PCLO: variants seen among roughly 807,000 people sequenced by gnomAD.
The protein encoded by PCLO is piccolo presynaptic cytomatrix protein, also known as protein piccolo.
PCLO carries 82 observed loss-of-function variants against 427.5 expected under a neutral mutation model. That is an observed-to-expected ratio of 0.19 (90% CI 0.16 to 0.23). PCLO has a LOEUF of 0.23. PCLO is among the 10% of genes least tolerant of loss of function. The probability of loss-of-function intolerance (pLI) is 1.00; values close to 1 mark genes in which losing one functional copy is unlikely to be tolerated. For synonymous variants in PCLO, 2,357 were observed against 2,155.4 expected, an observed-to-expected ratio of 1.09 and a Z score of -2.59; for missense variants, 6,239 against 6,115.9, an observed-to-expected ratio of 1.02 and a Z score of -0.67.
At chr7:83,085,494 C>T (rs1790208817) in intron 3 of PCLO, among the ~76,000 whole-genome samples, 1 of 152,152 alleles carries the variant, frequency 6.6e-6, no homozygotes, top group African/African-American at 2.4e-5. Context: ...CACACTCTTA[C>T]CACATGCCTC....
rs139867989 is a variant in PCLO, at chr7:83,049,832, T to C, written c.3301-83345A>G. ...TATCACCTTGGTGGGGAGTGAGTGGTTGGAAGCAAAATGGAGTTAGTCATG... is the reference window on the plus strand; with the variant it reads ...TATCACCTTGGTGGGGAGTGAGTGGCTGGAAGCAAAATGGAGTTAGTCATG... On this transcript the variant is annotated intron_variant, in intron 3 of 24. Transcript: ENST00000333891. 6.6e-5 allele frequency among the ~76,000 whole-genome samples: 10 copies of C among 152,136 alleles called. No individual in the cohort carries two copies. In the East Asian group the frequency reaches 1.9e-3, roughly 29 times the overall value.
intron 10 of PCLO, among the ~76,000 whole-genome samples, chr7:82,850,140 C>A (rs1792612468): frequency 6.6e-6 from 1 of 152,058 alleles, no homozygotes; most frequent in Non-Finnish European, 1.5e-5. Context: ...TCCTGAGTAG[C>A]TGGGATTACA....
At chr7:82,824,486 G>A in intron 18 of PCLO, 70 bp from the exon 19 acceptor site, 1 of 998,292 alleles carries the variant, frequency 1.0e-6, no homozygotes, top group Non-Finnish European at 1.5e-6. Flanking sequence ...CTTTTTCTAT[G>A]TTCTAAAATT....
chr7:82,891,672 T>G (rs1793769702), intron 9 of PCLO, among the ~76,000 whole-genome samples: 1 of 152,054 alleles, frequency 6.6e-6, no homozygotes, highest in Non-Finnish European at 1.5e-5. Context: ...GGCTGTGGGT[T>G]TGTCATAGAT....
At chr7:82,795,318 T>C (rs1733337268) in intron 22 of PCLO, among the ~76,000 whole-genome samples, 1 of 152,120 alleles carries the variant, frequency 6.6e-6, no homozygotes, top group South Asian at 2.1e-4. Flanking sequence ...ATTTGTCTAT[T>C]TTGTGTAATT....
intron 3 of PCLO, among the ~76,000 whole-genome samples, chr7:83,084,799 A>G (rs929807577): frequency 2.6e-5 from 4 of 152,188 alleles, no homozygotes; most frequent in African/African-American, 7.2e-5. Flanking sequence ...GCTTTCAATT[A>G]GCACCAGGAA....
rs1428025086 is a variant in PCLO at position 82,763,656 on chromosome 7, T to A, written c.15008-2163A>T. On this transcript the variant is annotated intron_variant, in intron 22 of 24. Transcript: ENST00000333891. ...AGATATACCCTTACATGTGGAAAAATATCTATAACATATCTCTCCTCGCTC... is the reference window on the plus strand; with the variant it reads ...AGATATACCCTTACATGTGGAAAAAAATCTATAACATATCTCTCCTCGCTC... 2.1e-4 allele frequency among the ~76,000 whole-genome samples: 32 copies of A among 152,036 alleles called. 1 individual carries two copies. Among genetic ancestry groups the A allele is most frequent in the Non-Finnish European group, 1.5e-5 (1 of 67,952 alleles).
intron 4 of PCLO, among the ~76,000 whole-genome samples, chr7:82,960,988 T>A (rs983221258): frequency 1.3e-5 from 2 of 152,170 alleles, no homozygotes; most frequent in Non-Finnish European, 2.9e-5. Context: ...ATAATTCTAG[T>A]ACTTCTGCCT....
chr7:82,875,791 T>C (rs953604480), intron 10 of PCLO, among the ~76,000 whole-genome samples: 6 of 152,138 alleles, frequency 3.9e-5, no homozygotes, highest in East Asian at 1.9e-4. Flanking sequence ...ACAGGTATTA[T>C]TGTCAATTAA....
chr7:82,824,242 A>G lies in PCLO; in HGVS notation c.14590T>C (p.Ser4864Pro). The G allele has an allele frequency of 6.2e-7, 1 of 1,601,870 alleles. No individual in the cohort carries two copies. The highest frequency in any genetic ancestry group is 8.5e-7 in the Non-Finnish European group (1 of 1,175,320). ...TTAAAAAAATATTTCCTACCCTTTG[A>G]TGGGTCAGGGAAGATACCATGGCTT... ...SRSHGIFPDP[S>P]KDMQVPTIEK... The change falls in exon 19 of 25, where the codon TCA becomes CCA. Residue 4864 changes from serine (S) to proline (P), a missense_variant. This residue lies in a region of PCLO where 877 missense variants were observed against 925.5 expected (regional missense o/e 0.95). Coordinates refer to ENST00000333891, the MANE Select transcript of PCLO (RefSeq NM_033026.6).
chr7:82,945,346 CA>C lies in PCLO; in HGVS notation c.11112+4129del, dbSNP rs1398091364. 5.3e-5 allele frequency among the ~76,000 whole-genome samples: 8 copies of C among 152,158 alleles called. No homozygotes were observed. The East Asian group carries it at 1.5e-3, about 29-fold the overall frequency. On this transcript the variant is annotated intron_variant, in intron 6 of 24. Coordinates refer to ENST00000333891, the MANE Select transcript of PCLO (RefSeq NM_033026.6). Reference sequence around the variant, plus strand: ...CATTCCATATTTGGCTGTGAGCAAACAAAAAGTACAATATAGTGCTTGGATA... The same window carrying C: ...CATTCCATATTTGGCTGTGAGCAAACAAAAGTACAATATAGTGCTTGGATA...
At chr7:82,863,779 T>C (rs1392444782) in intron 10 of PCLO, among the ~76,000 whole-genome samples, 1 of 152,052 alleles carries the variant, frequency 6.6e-6, no homozygotes, top group Admixed American at 6.6e-5. Flanking sequence ...GGCAATATAG[T>C]TCTATATGAA....
intron 3 of PCLO, among the ~76,000 whole-genome samples, chr7:83,101,606 T>C (rs545906058): frequency 6.6e-6 from 1 of 152,244 alleles, no homozygotes; most frequent in East Asian, 1.9e-4. Context: ...TTGATGAGTG[T>C]TAGTTAGCTA....
chr7:83,115,003 GT>G (rs1791096836), intron 3 of PCLO, among the ~76,000 whole-genome samples: 1 of 151,870 alleles, frequency 6.6e-6, no homozygotes, highest in African/African-American at 2.4e-5. Flanking sequence ...GTGGAGAATG[GT>G]TATCCTTCTA....
intron 6 of PCLO, among the ~76,000 whole-genome samples, chr7:82,941,052 G>A (rs1403669272): frequency 6.6e-6 from 1 of 151,218 alleles, no homozygotes; most frequent in South Asian, 2.1e-4. Context: ...TTGAGCCACC[G>A]TGCCCGAATG....
intron 2 of PCLO, among the ~76,000 whole-genome samples, chr7:83,148,231 T>C (rs987356602): frequency 2.6e-5 from 4 of 152,138 alleles, no homozygotes; most frequent in African/African-American, 7.2e-5. Context: ...AAATTCTAGA[T>C]TGCCAAGTAA....
chr7:82,828,011 G>T, intron 16 of PCLO, 45 bp from the exon 17 acceptor site: 1 of 1,068,418 alleles, frequency 9.4e-7, no homozygotes, highest in Non-Finnish European at 1.4e-6. Context: ...ATTCACCTTA[G>T]TTTATGACTT....
At chr7:83,092,703 A>G (rs562748786) in intron 3 of PCLO, among the ~76,000 whole-genome samples, 21 of 152,160 alleles carry the variant, frequency 1.4e-4, no homozygotes, top group African/African-American at 5.1e-4. Flanking sequence ...TAATCCCAGC[A>G]CTTTGAGAGG....
At chr7:83,018,454 A>G (rs1021038794) in intron 3 of PCLO, among the ~76,000 whole-genome samples, 3 of 152,018 alleles carry the variant, frequency 2.0e-5, no homozygotes, top group African/African-American at 7.2e-5. Context: ...AATGAGCACT[A>G]TTATAACCAA....
Sources: allele counts gnomAD v4.1 joint callset (sites outside exome capture counted in the v4.1 genomes callset), GRCh38; gene constraint gnomAD v4.1.1; regional missense constraint gnomAD v4.1.1; transcripts MANE v1.5; gene names NCBI Gene and HGNC (gene_info 2026-07-23, HGNC 2026-07-21).